KDM4A: variants seen among roughly 807,000 people sequenced by gnomAD.
The protein encoded by KDM4A is lysine-specific demethylase 4A.
Under a neutral mutation model 127.1 loss-of-function variants are expected in KDM4A, and 23 were observed. The ratio of observed to expected loss-of-function variants is 0.18; its 90% CI spans 0.13 to 0.26. The LOEUF (loss-of-function observed/expected upper bound fraction) is 0.26, where lower values mean the gene tolerates loss of function less well. Among genes scored for constraint, KDM4A ranks in the 10% least tolerant of loss-of-function variants. The pLI is 1.00. For missense variants in KDM4A, 890 were observed against 1,329.1 expected (o/e 0.67, Z 5.14); for synonymous variants, 443 against 466.5 (o/e 0.95, Z 0.65).
Position 43,693,195 on chromosome 1 carries a change from C to T in KDM4A, c.2376-799C>T, listed in dbSNP as rs1486215329. On this transcript the variant is annotated intron_variant, in intron 16 of 21. Coordinates refer to ENST00000372396, the MANE Select transcript of KDM4A (RefSeq NM_014663.3). The surrounding 1 kb of genome is among the most constrained non-coding windows in gnomAD (Gnocchi z 4.2). ...CTTATTTGGAGTGGAAATGGCTGTG[C>T]TTGAATCTCTCACCTTTACCTCTGA... is the stretch of plus-strand genomic sequence containing the variant. Among the ~76,000 whole-genome samples, 1 of 152,182 alleles carries T rather than the reference C, an allele frequency of 6.6e-6. No homozygotes were observed. The highest frequency in any genetic ancestry group is 1.5e-5 in the Non-Finnish European group (1 of 68,026).
rs200945656 is a variant in KDM4A at position 43,704,278 on chromosome 1, G to T, written c.3103G>T (p.Val1035Phe). ...CAATGAGATTTTCACAGAGAAAGAG[G>T]TTAAGCAAGAAAAGAAACGGCAACG... The part of the protein sequence containing the change: ...RFNEIFTEKE[V>F]KQEKKRQRVI... Residue 1035 changes from valine (V) to phenylalanine (F), a missense_variant, in exon 22 of 22, where the codon GTT becomes TTT. Around this residue, in one of 7 missense-constraint regions of KDM4A, gnomAD observed 246 missense variants for 418.4 expected, o/e 0.59. Coordinates refer to ENST00000372396, the MANE Select transcript of KDM4A (RefSeq NM_014663.3). The T allele has an allele frequency of 1.2e-6, 2 of 1,613,982 alleles. No individual in the cohort carries two copies. The highest frequency in any genetic ancestry group is 1.7e-6 in the Non-Finnish European group (2 of 1,180,030).
intron 11 of KDM4A, among the ~76,000 whole-genome samples, chr1:43,672,261 T>TCACTGCAACCTCTGCCTTC (rs1345865695): frequency 1.3e-5 from 2 of 152,024 alleles, no homozygotes; most frequent in Non-Finnish European, 2.9e-5. Flanking sequence ...TGATCTTGGC[T>TCACTGCAACCTCTGCCTTC]CACTGCAACC....
chr1:43,663,232 T>C, intron 5 of KDM4A, 145 bp downstream of exon 5: 2 of 682,262 alleles, frequency 2.9e-6, no homozygotes, highest in Non-Finnish European at 4.8e-6. Context: ...AAACACACTT[T>C]CAAGTGCTAA....
chr1:43,694,234 A>T lies in KDM4A; in HGVS notation c.2484+132A>T, dbSNP rs1661187302. 2.5e-5 allele frequency: 18 copies of T among 720,110 alleles called. 1 individual carries two copies. In the South Asian group the frequency reaches 3.1e-4, roughly 12 times the overall value. The allele number at this position is 720,110 out of a possible 1,614,324, so 44.6% of individuals were successfully genotyped here. ...ACTCTGTGGTTAGATTCCTTAGTGGAGGCCAGGTGTGGTGGCTCACACCTG... is the reference window on the plus strand; with the variant it reads ...ACTCTGTGGTTAGATTCCTTAGTGGTGGCCAGGTGTGGTGGCTCACACCTG... On this transcript the variant is annotated intron_variant, in intron 17 of 21. Transcript: ENST00000372396. The surrounding 1 kb of genome is among the most constrained non-coding windows in gnomAD (Gnocchi z 5.2).
At chr1:43,702,887 T>C (rs1661437701) in intron 19 of KDM4A, among the ~76,000 whole-genome samples, 1 of 151,828 alleles carries the variant, frequency 6.6e-6, no homozygotes, top group African/African-American at 2.4e-5. Flanking sequence ...AAAGATTAGC[T>C]GGGCATGGTG....
chr1:43,667,838 A>C lies in KDM4A; in HGVS notation c.982A>C (p.Arg328=). ...GTTTGTGAGAAAGTTCCAGCCAGAA[A>C]GGTACAAACTTTGGAAAGCTGGGAA... The part of the protein sequence containing the change: ...DVFVRKFQPE[R]YKLWKAGKDN... The change falls in exon 9 of 22, where the codon AGG becomes CGG. Residue 328 remains arginine (R), a synonymous_variant. Transcript: ENST00000372396. 1 of 1,614,180 alleles carries C rather than the reference A, an allele frequency of 6.2e-7. No homozygotes were observed. The highest frequency in any genetic ancestry group is 8.5e-7 in the Non-Finnish European group (1 of 1,180,030).
intron 11 of KDM4A, among the ~76,000 whole-genome samples, chr1:43,678,565 A>T (rs1361522956): frequency 4.1e-5 from 6 of 147,816 alleles, no homozygotes; most frequent in African/African-American, 1.5e-4. Flanking sequence ...GTGGAGGGAC[A>T]GGAGGGGATG....
chr1:43,659,820 A>G (rs964959664), intron 3 of KDM4A, among the ~76,000 whole-genome samples: 4 of 152,238 alleles, frequency 2.6e-5, no homozygotes, highest in African/African-American at 9.6e-5. Context: ...GCTTGGGCAT[A>G]TAGCAGGGGT....
intron 10 of KDM4A, among the ~76,000 whole-genome samples, chr1:43,671,169 C>T (rs1196103581): frequency 1.3e-5 from 2 of 152,218 alleles, no homozygotes; most frequent in Non-Finnish European, 2.9e-5. Flanking sequence ...GTAGCCAGGT[C>T]TCTGCTGAGC....
intron 11 of KDM4A, among the ~76,000 whole-genome samples, chr1:43,680,802 C>T (rs1455753931): frequency 6.6e-6 from 1 of 152,252 alleles, no homozygotes; most frequent in Non-Finnish European, 1.5e-5. Flanking sequence ...ACATTGGGCC[C>T]ACCTGGATGA....
intron 4 of KDM4A, 56 bp downstream of exon 4, chr1:43,660,468 T>C: frequency 1.9e-6 from 3 of 1,542,858 alleles, no homozygotes; most frequent in Admixed American, 4.0e-5. Context: ...TAATACCTTT[T>C]TTTCGGCCCG....
rs1403362395 is a variant in KDM4A at position 43,704,794 on chromosome 1, C to T, written c.*424C>T. 4.5e-5 allele frequency: 8 copies of T among 175,910 alleles called. No homozygotes were observed. Among genetic ancestry groups the T allele is most frequent in the Non-Finnish European group, 1.2e-5 (1 of 83,034 alleles). 10.9% of individuals were successfully genotyped at this position (175,910 alleles called of 1,614,324 possible). On this transcript the variant is annotated 3_prime_UTR_variant, in exon 22 of 22. Coordinates refer to ENST00000372396, the MANE Select transcript of KDM4A (RefSeq NM_014663.3). Reference sequence around the variant, plus strand: ...ATGTGTGTGTGTGTGTGCGTGCGTGCGTGCGTGCGTGTATGTTTGGTCTGG... The same window carrying T: ...ATGTGTGTGTGTGTGTGCGTGCGTGTGTGCGTGCGTGTATGTTTGGTCTGG...
chr1:43,698,155 C>T (rs1661289950), intron 19 of KDM4A, 142 bp downstream of exon 19: 5 of 751,932 alleles, frequency 6.6e-6, no homozygotes, highest in Non-Finnish European at 1.0e-5. Context: ...AAAGAATCAT[C>T]TGTACCAGTC....
chr1:43,696,955 G>A (rs1035363515), intron 18 of KDM4A, among the ~76,000 whole-genome samples: 1 of 152,192 alleles, frequency 6.6e-6, no homozygotes, highest in African/African-American at 2.4e-5. Flanking sequence ...TATAGTTGAA[G>A]GACACATAGA....
intron 5 of KDM4A, among the ~76,000 whole-genome samples, chr1:43,664,983 TG>T (rs1488282385): frequency 2.1e-5 from 3 of 145,002 alleles, no homozygotes; most frequent in Admixed American, 6.9e-5. Context: ...GTTGTTACTG[TG>T]GAATAATCTT....
Position 43,703,766 on chromosome 1 carries a change from G to T in KDM4A, c.2961+30G>T, listed in dbSNP as rs199991640. 3.1e-6 allele frequency: 5 copies of T among 1,612,236 alleles called. No individual in the cohort carries two copies. In the African/African-American group the frequency reaches 4.0e-5, roughly 13 times the overall value. ...CCAAAGTTCTACCTTTCTAGGGAGT[G>T]GGGGGTGCTTGATTAATTCTGTGCT... On this transcript the variant is annotated intron_variant, in intron 20 of 21. Transcript: ENST00000372396.
intron 12 of KDM4A, among the ~76,000 whole-genome samples, chr1:43,686,616 C>T (rs529056047): frequency 4.4e-4 from 67 of 152,272 alleles, no homozygotes; most frequent in African/African-American, 1.6e-3. Context: ...GGATTACAGG[C>T]GTGAGCCACC....
At chr1:43,657,387 G>A (rs1384962801) in intron 3 of KDM4A, among the ~76,000 whole-genome samples, 1 of 152,022 alleles carries the variant, frequency 6.6e-6, no homozygotes, top group Non-Finnish European at 1.5e-5. Flanking sequence ...ATTTTTAGCA[G>A]AGGCAGGGTT....
chr1:43,657,841 C>T (rs2154046489), intron 3 of KDM4A, among the ~76,000 whole-genome samples: 1 of 150,614 alleles, frequency 6.6e-6, no homozygotes, highest in East Asian at 2.0e-4. Context: ...GCCTCCGCCT[C>T]CCAGGTTCAA....
Sources: allele counts gnomAD v4.1 joint callset (sites outside exome capture counted in the v4.1 genomes callset), GRCh38; gene constraint gnomAD v4.1.1; regional missense constraint gnomAD v4.1.1; non-coding constraint Gnocchi (gnomAD v3.1); transcripts MANE v1.5; gene names NCBI Gene and HGNC (gene_info 2026-07-23, HGNC 2026-07-21).